The following CHD6 variants were observed in gnomAD, a reference collection of about 807,000 sequenced individuals.
CHD6 encodes the protein chromodomain helicase DNA binding protein 6.
A neutral mutation model predicts 276.9 loss-of-function variants in CHD6; 50 were observed. The ratio of observed to expected loss-of-function variants is 0.18; its 90% CI spans 0.14 to 0.23. The LOEUF (loss-of-function observed/expected upper bound fraction) is 0.23, where lower values mean the gene tolerates loss of function less well. Ranked by LOEUF, CHD6 falls within the 10% of genes least tolerant of loss-of-function variation. CHD6 has a pLI of 1.00. For synonymous variants in CHD6, 1,173 were observed against 1,229.3 expected, an observed-to-expected ratio of 0.95 and a Z score of 0.96; for missense variants, 2,564 against 3,365.8, an observed-to-expected ratio of 0.76 and a Z score of 5.89.
At chr20:41,520,635 A>G (rs1177210515) in intron 3 of CHD6, among the ~76,000 whole-genome samples, 2 of 137,704 alleles carry the variant, frequency 1.5e-5, no homozygotes, top group African/African-American at 2.6e-5. Flanking sequence ...ACACATGGAC[A>G]CAGGAAGGGG....
intron 25 of CHD6, 27 bp from the exon 26 acceptor site, chr20:41,440,156 G>C: frequency 6.2e-7 from 1 of 1,606,730 alleles, no homozygotes. Context: ...AGAAATGCCA[G>C]AAGTCATGTT....
chr20:41,464,328 G>A (rs1166054206), intron 17 of CHD6, among the ~76,000 whole-genome samples: 1 of 151,980 alleles, frequency 6.6e-6, no homozygotes, highest in African/African-American at 2.4e-5. Flanking sequence ...AGCAACTTTG[G>A]CAAATAGTAT....
intron 17 of CHD6, among the ~76,000 whole-genome samples, chr20:41,461,148 TC>T (rs1253457956): frequency 6.6e-6 from 1 of 152,248 alleles, no homozygotes; most frequent in African/African-American, 2.4e-5. Flanking sequence ...AATACCTGTA[TC>T]CAAATCATAT....
intron 1 of CHD6, 101 bp from the exon 2 acceptor site, chr20:41,551,461 G>T: frequency 1.7e-6 from 1 of 602,042 alleles, no homozygotes. Flanking sequence ...AACAAACAGG[G>T]GATTACTTCT....
chr20:41,471,356 G>A (rs1471809250), intron 17 of CHD6, among the ~76,000 whole-genome samples: 1 of 152,142 alleles, frequency 6.6e-6, no homozygotes, highest in Non-Finnish European at 1.5e-5. Flanking sequence ...TTAGTGTTGA[G>A]TGTGTTACTC....
intron 1 of CHD6, among the ~76,000 whole-genome samples, chr20:41,585,995 G>C (rs2045590313): frequency 6.6e-6 from 1 of 152,118 alleles, no homozygotes; most frequent in Non-Finnish European, 1.5e-5. Flanking sequence ...GTAGTAAAGA[G>C]GGCTCACTAA....
rs2046640363 is a variant in CHD6, at chr20:41,405,280, C to A, written c.7461G>T (p.Met2487Ile). 1 of 1,614,100 alleles carries A rather than the reference C, an allele frequency of 6.2e-7. No homozygotes were observed. Among genetic ancestry groups the A allele is most frequent in the Non-Finnish European group, 8.5e-7 (1 of 1,180,048 alleles). ...CCAGCCCGGTGAGGGGGATGCCTGGCATATTTCTCATGTTCTGAAGTCCTA... is the reference window on the plus strand; with the variant it reads ...CCAGCCCGGTGAGGGGGATGCCTGGAATATTTCTCATGTTCTGAAGTCCTA... Reference protein sequence around the residue: ...DLVGLQNMRNMPGIPLTGLVG... With the variant: ...DLVGLQNMRNIPGIPLTGLVG... The change falls in exon 37 of 37, where the codon ATG (methionine) becomes ATT (isoleucine). Residue 2487 changes from methionine to isoleucine, a missense_variant. By Grantham distance (10) the Met-to-Ile change is conservative (BLOSUM62 1). Transcript: ENST00000373233.
At chr20:41,539,600 C>A (rs1430247784) in intron 2 of CHD6, among the ~76,000 whole-genome samples, 1 of 152,164 alleles carries the variant, frequency 6.6e-6, no homozygotes, top group Non-Finnish European at 1.5e-5. Context: ...ACAGCCACTG[C>A]CCAGGGAGTG....
chr20:41,518,049 T>C (rs1425203479), intron 3 of CHD6, among the ~76,000 whole-genome samples: 1 of 152,248 alleles, frequency 6.6e-6, no homozygotes, highest in African/African-American at 2.4e-5. Flanking sequence ...GATAGTTTTT[T>C]ATAGCTCTCT....
At position 41,452,862 on chromosome 20, in the gene CHD6, C is replaced by G; in HGVS notation, c.3201G>C (p.Glu1067Asp). The change falls in exon 21 of 37, where the codon GAG (glutamate) becomes GAC (aspartate). Residue 1067 changes from glutamate (E) to aspartate (D), a missense_variant. Around this residue, in one of 7 missense-constraint regions of CHD6, gnomAD observed 515 missense variants for 739.5 expected, o/e 0.70. Transcript: ENST00000373233. This position sits in a 1 kb window ranked among gnomAD's most constrained non-coding sequence, Gnocchi z 4.2. ...YNSFEEDELM[E>D]FSELDSDSDE... ...CTGAGTCGCTGTCTAACTCTGAAAA[C>G]TCCATGAGCTCGTCTTCCTCAAACG... is the stretch of plus-strand genomic sequence containing the variant. 1 of 1,613,514 alleles carries G rather than the reference C, an allele frequency of 6.2e-7. No individual in the cohort carries two copies. The highest frequency in any genetic ancestry group is 2.2e-5 in the East Asian group (1 of 44,856).
chr20:41,443,057 C>G (rs2047948111), intron 25 of CHD6, among the ~76,000 whole-genome samples: 1 of 152,242 alleles, frequency 6.6e-6, no homozygotes, highest in South Asian at 2.1e-4. Context: ...GCACAAATCA[C>G]CTTCAAGGCC....
chr20:41,603,613 C>A (rs2045795569), intron 1 of CHD6, among the ~76,000 whole-genome samples: 1 of 152,102 alleles, frequency 6.6e-6, no homozygotes, highest in African/African-American at 2.4e-5. Flanking sequence ...CGCCTGTAAT[C>A]CCAGCACTTT....
intron 8 of CHD6, among the ~76,000 whole-genome samples, chr20:41,496,023 G>A (rs2043677585): frequency 6.6e-6 from 1 of 152,206 alleles, no homozygotes; most frequent in Non-Finnish European, 1.5e-5. Flanking sequence ...TCTTGCAGCT[G>A]CCCTCAGGTT....
chr20:41,456,047 GT>G (rs1486373894), intron 18 of CHD6, 68 bp from the exon 19 acceptor site: 7 of 1,427,886 alleles, frequency 4.9e-6, no homozygotes, highest in Non-Finnish European at 4.7e-6. Context: ...CTCAAATCTG[GT>G]TTTTGTGATT....
chr20:41,528,655 T>TA (rs990332653), intron 3 of CHD6, among the ~76,000 whole-genome samples: 10 of 152,072 alleles, frequency 6.6e-5, no homozygotes, highest in African/African-American at 1.9e-4. Context: ...ACCCCATCTC[T>TA]AAAAAAAATA....
intron 2 of CHD6, among the ~76,000 whole-genome samples, chr20:41,540,987 A>AT (rs73623233): frequency 0.012 from 1,862 of 150,282 alleles, 13 homozygotes; most frequent in South Asian, 0.026. Flanking sequence ...CTTCTGAAAG[A>AT]TTTTTTTTAA....
In CHD6 at chr20:41,410,919, C is replaced by T. The variant is rs1386338482; in HGVS notation, c.7251+1225G>A. 3.3e-5 allele frequency among the ~76,000 whole-genome samples: 5 copies of T among 152,020 alleles called. No individual in the cohort carries two copies. In the South Asian group the frequency reaches 8.3e-4, roughly 25 times the overall value. Reference sequence around the variant, plus strand: ...ATGGCGTATCTGAGACACCGTGTGCCGAGACAAAAGGAGAAGGTGGGAGGC... The same window carrying T: ...ATGGCGTATCTGAGACACCGTGTGCTGAGACAAAAGGAGAAGGTGGGAGGC... On this transcript the variant is annotated intron_variant, in intron 36 of 36. Transcript: ENST00000373233.
chr20:41,592,238 T>C (rs7346277), intron 1 of CHD6, among the ~76,000 whole-genome samples: 1 of 152,134 alleles, frequency 6.6e-6, no homozygotes, highest in Non-Finnish European at 1.5e-5. Context: ...CTTTTGTAAG[T>C]GGTATTCTCT....
chr20:41,593,825 G>A (rs768289936), intron 1 of CHD6, among the ~76,000 whole-genome samples: 2 of 152,234 alleles, frequency 1.3e-5, no homozygotes, highest in Non-Finnish European at 2.9e-5. Flanking sequence ...GCAAGAGGCA[G>A]CTATCTACAA....
Sources: allele counts gnomAD v4.1 joint callset (sites outside exome capture counted in the v4.1 genomes callset), GRCh38; gene constraint gnomAD v4.1.1; regional missense constraint gnomAD v4.1.1; non-coding constraint Gnocchi (gnomAD v3.1); transcripts MANE v1.5; gene names NCBI Gene and HGNC (gene_info 2026-07-23, HGNC 2026-07-21).